Variants in DNASE1 observed in about 807,000 individuals in gnomAD.
DNASE1 encodes the protein deoxyribonuclease 1.
In DNASE1, 40 loss-of-function variants were observed where a neutral mutation model predicts 33.9. That is an observed-to-expected ratio of 1.18 (90% CI 0.92 to 1.54). The LOEUF is 1.54. Ranked by LOEUF, DNASE1 falls within the 40% of genes most tolerant of loss-of-function variation. The pLI is 0.00. For synonymous variants in DNASE1, 216 were observed against 160.0 expected, an observed-to-expected ratio of 1.35 and a Z score of -2.64; for missense variants, 518 against 372.6, an observed-to-expected ratio of 1.39 and a Z score of -3.21.
At chr16:3,647,487 T>G (rs1286426299) in intron 1 of DNASE1, among the ~76,000 whole-genome samples, 1 of 152,122 alleles carries the variant, frequency 6.6e-6, no homozygotes, top group Admixed American at 6.5e-5. Context: ...TTACCTAGAC[T>G]GGTTTTGAAC....
exon 10 of DNASE1, chr16:3,663,517 G>C (rs2050740597): frequency 2.5e-6 from 4 of 1,614,100 alleles, no homozygotes; most frequent in Non-Finnish European, 3.4e-6. Context: ...AACTCACGAA[G>C]GTGCAGCAGG....
At chr16:3,656,581 C>T (rs1039647229) in intron 4 of DNASE1, 57 bp from the exon 5 acceptor site, 1 of 1,471,876 alleles carries the variant, frequency 6.8e-7, no homozygotes, top group Non-Finnish European at 9.3e-7. Context: ...TCCTGGGAAG[C>T]AGGAGTGGGG....
upstream of DNASE1, among the ~76,000 whole-genome samples, chr16:3,638,288 A>G (rs1034374553): frequency 3.3e-5 from 5 of 152,012 alleles, no homozygotes; most frequent in African/African-American, 1.2e-4. Flanking sequence ...GGTTTTCTAC[A>G]ACTTGATTAT....
downstream of DNASE1, chr16:3,658,740 T>TGGCA: frequency 6.5e-7 from 1 of 1,541,398 alleles, no homozygotes; most frequent in Admixed American, 1.8e-5. Context: ...GAAGGCAGGC[T>TGGCA]GGCAGGGCTG....
At chr16:3,619,650 T>C (rs1165820524) in intron 1 of DNASE1, among the ~76,000 whole-genome samples, 3 of 150,814 alleles carry the variant, frequency 2.0e-5, no homozygotes, top group East Asian at 2.0e-4. Flanking sequence ...CATGAGCCAC[T>C]GTGCCTGGCC....
chr16:3,658,349 A>G, downstream of DNASE1: 1 of 786,386 alleles, frequency 1.3e-6, no homozygotes. Flanking sequence ...ATCTCGGCTC[A>G]CTGCAACCTC....
intron 5 of DNASE1, 66 bp downstream of exon 5, chr16:3,656,819 A>G: frequency 7.8e-6 from 12 of 1,546,650 alleles, no homozygotes; most frequent in Non-Finnish European, 1.0e-5. Context: ...CCTCCTAGGG[A>G]ACCTGGAATG....
At chr16:3,658,995 G>T, downstream of DNASE1, 1 of 858,994 alleles carries the variant, frequency 1.2e-6, no homozygotes, top group Non-Finnish European at 1.8e-6. Flanking sequence ...AATAAGGTAT[G>T]TTAATGATCA....
At chr16:3,658,097 C>T, downstream of DNASE1, 2 of 1,611,842 alleles carry the variant, frequency 1.2e-6, no homozygotes, top group South Asian at 1.1e-5. Context: ...GGGCTGTCAT[C>T]TGTGGTGTCA....
At chr16:3,640,601 T>A (rs748602084), upstream of DNASE1, 23 of 397,342 alleles carry the variant, frequency 5.8e-5, no homozygotes, top group Non-Finnish European at 7.5e-5. Flanking sequence ...CCTACATGAG[T>A]ATATAAACAG....
At chr16:3,662,783 G>A, downstream of DNASE1, 1 of 1,136,092 alleles carries the variant, frequency 8.8e-7, no homozygotes, top group Non-Finnish European at 1.3e-6. Context: ...TGCTGCTGCT[G>A]GAAGGACACC....
chr16:3,617,321 C>T (rs1293489948), intron 1 of DNASE1, among the ~76,000 whole-genome samples: 3 of 73,596 alleles, frequency 4.1e-5, no homozygotes, highest in Non-Finnish European at 4.2e-5. Context: ...AGCGAAACTC[C>T]ATCTCAAAAA....
At chr16:3,626,320 C>T (rs1414694100) in intron 1 of DNASE1, among the ~76,000 whole-genome samples, 2 of 152,168 alleles carry the variant, frequency 1.3e-5, no homozygotes, top group East Asian at 3.9e-4. Flanking sequence ...GATCACTAAA[C>T]TCAGCAGCAT....
In DNASE1 at chr16:3,656,691, C is replaced by T. The variant is rs2151220913; in HGVS notation, c.374C>T (p.Pro125Leu). Residue 125 changes from proline (P) to leucine (L), a missense_variant, in exon 5 of 9, where the codon CCC becomes CTC. Physicochemically the swap from Pro to Leu is moderately conservative, Grantham distance 98. Coordinates refer to ENST00000246949, the MANE Select transcript of DNASE1 (RefSeq NM_005223.4). ...TACTACTACGATGATGGCTGCGAGC[C>T]CTGCGGGAACGACACCTTCAACCGA... ...DSYYYDDGCE[P>L]CGNDTFNREP... is the part of the protein sequence containing the mutation. 1 of 1,613,408 alleles carries T rather than the reference C, an allele frequency of 6.2e-7. No homozygotes were observed. Among genetic ancestry groups the T allele is most frequent in the African/African-American group, 1.3e-5 (1 of 75,022 alleles).
chr16:3,664,385 G>T (rs555130426), exon 10 of DNASE1: 2 of 1,612,342 alleles, frequency 1.2e-6, no homozygotes, highest in Non-Finnish European at 1.7e-6. Flanking sequence ...TGCGGCTGGC[G>T]TATTCTGAGA....
intron 1 of DNASE1, among the ~76,000 whole-genome samples, chr16:3,623,660 G>A (rs558187385): frequency 1.2e-4 from 19 of 152,300 alleles, no homozygotes; most frequent in South Asian, 6.2e-4. Context: ...AAGGCTGGGC[G>A]TGGTGGCTAA....
chr16:3,663,386 G>T (rs1231866548), exon 10 of DNASE1: 5 of 1,612,430 alleles, frequency 3.1e-6, no homozygotes, highest in Non-Finnish European at 4.2e-6. Flanking sequence ...GCGGGGAGTG[G>T]AAACCAGCCC....
Position 3,655,048 on chromosome 16 carries a change from A to G in DNASE1, c.-2+4A>G. ...GAGGACATCACCATCATCTCAGGTG[A>G]GCACCAGGTGGAGTGCCTCTGGGTG... On this transcript the variant is annotated splice_donor_region_variant and intron_variant, in intron 1 of 8. Transcript: ENST00000246949. 1 of 573,722 alleles carries G rather than the reference A, an allele frequency of 1.7e-6. No individual in the cohort carries two copies. The highest frequency in any genetic ancestry group is 2.8e-5 in the East Asian group (1 of 35,156). 35.5% of individuals were successfully genotyped at this position (573,722 alleles called of 1,614,324 possible).
At chr16:3,613,844 C>T (rs898182057) in intron 1 of DNASE1, among the ~76,000 whole-genome samples, 3 of 151,646 alleles carry the variant, frequency 2.0e-5, no homozygotes, top group African/African-American at 7.3e-5. Flanking sequence ...CTGGTTCAAG[C>T]GATTCTCCTG....
Sources: gnomAD v4.1 joint callset for allele counts (sites outside exome capture counted in the v4.1 genomes callset) on GRCh38, gnomAD v4.1.1 for gene constraint, MANE v1.5 for transcripts, NCBI Gene and HGNC (gene_info 2026-07-23, HGNC 2026-07-21) for gene names.